The following PARVA variants were observed in gnomAD, a reference collection of about 807,000 sequenced individuals.
PARVA encodes alpha-parvin.
PARVA carries 25 observed loss-of-function variants against 52.6 expected under a neutral mutation model. The observed-to-expected ratio is 0.48, with a 90% CI of 0.35 to 0.66. The LOEUF is 0.66. Ranked by LOEUF, PARVA falls within the 30% of genes least tolerant of loss-of-function variation. The pLI, the probability that PARVA is intolerant of heterozygous loss-of-function variation, is 0.01. For missense variants in PARVA, 373 were observed against 450.9 expected (o/e 0.83, Z 1.56); for synonymous variants, 185 against 179.1 (o/e 1.03, Z -0.26).
chr11:12,487,088 TCA>T (rs1482824653), intron 4 of PARVA, among the ~76,000 whole-genome samples: 10 of 152,136 alleles, frequency 6.6e-5, no homozygotes, highest in African/African-American at 1.9e-4. Flanking sequence ...TAGAGGAGTG[TCA>T]GTTTGGATGG....
chr11:12,504,483 A>G, intron 6 of PARVA, 54 bp downstream of exon 6: 2 of 1,124,114 alleles, frequency 1.8e-6, no homozygotes, highest in Non-Finnish European at 2.7e-6. Flanking sequence ...GTGGAGGTCG[A>G]GTTCCTATGG....
intron 1 of PARVA, among the ~76,000 whole-genome samples, chr11:12,415,567 A>C (rs1310353264): frequency 6.6e-6 from 1 of 151,576 alleles, no homozygotes; most frequent in African/African-American, 2.4e-5. Flanking sequence ...GCCAGACTTT[A>C]CTCTCAAGGG....
chr11:12,391,114 G>A (rs909386371), intron 1 of PARVA, among the ~76,000 whole-genome samples: 1 of 152,172 alleles, frequency 6.6e-6, no homozygotes, highest in Non-Finnish European at 1.5e-5. Flanking sequence ...ACTATAGAGA[G>A]GCAGATTGAT....
intron 4 of PARVA, 156 bp downstream of exon 4, chr11:12,478,105 T>C (rs1941040196): frequency 1.4e-6 from 1 of 711,082 alleles, no homozygotes; most frequent in Admixed American, 2.0e-5. Context: ...GTGAAGGCTT[T>C]AGATGTCCTC....
intron 1 of PARVA, among the ~76,000 whole-genome samples, chr11:12,425,415 T>G (rs1417875994): frequency 6.6e-6 from 1 of 152,160 alleles, no homozygotes; most frequent in Admixed American, 6.5e-5. Flanking sequence ...CCAACATGAA[T>G]CTTACCAGGT....
chr11:12,495,022 G>T (rs1362925357), intron 4 of PARVA, among the ~76,000 whole-genome samples: 2 of 152,118 alleles, frequency 1.3e-5, no homozygotes, highest in African/African-American at 2.4e-5. Context: ...AAAATAATGG[G>T]AAAAAGTGAA....
rs777895682 is a variant in PARVA, at chr11:12,527,891, A to G, written c.1085A>G (p.Tyr362Cys). The change falls in exon 13 of 13, where the codon TAC (tyrosine) becomes TGC (cysteine). Residue 362 changes from tyrosine to cysteine, a missense_variant. Transcript: ENST00000334956. ...CTGAAATCTACACTACGAGTGTTGT[A>G]CAACCTCTTCACCAAGTACCGTAAC... ...CDLKSTLRVLYNLFTKYRNVE is the reference protein window; with the variant it reads ...CDLKSTLRVLCNLFTKYRNVE 1 of 1,613,384 alleles carries G rather than the reference A, an allele frequency of 6.2e-7. No individual in the cohort carries two copies. The highest frequency in any genetic ancestry group is 8.5e-7 in the Non-Finnish European group (1 of 1,179,718).
Position 12,518,490 on chromosome 11 carries a change from T to C in PARVA, c.1015T>C (p.Leu339=), listed in dbSNP as rs766724485. The C allele has an allele frequency of 8.1e-6, 13 of 1,613,476 alleles. No individual in the cohort carries two copies. Among genetic ancestry groups the C allele is most frequent in the African/African-American group, 1.3e-5 (1 of 74,860 alleles). ...FAFELMQDGG[L]EKPKPRPEDI... ...CTTTGAGCTCATGCAAGATGGAGGG[T>C]TGGAAAAGCCAAAACCGCGGCCAGA... Residue 339 remains leucine (L), a synonymous_variant, in exon 12 of 13, where the codon TTG becomes CTG. Transcript: ENST00000334956.
chr11:12,511,594 G>A lies in PARVA; in HGVS notation c.736+61G>A, dbSNP rs866771368. ...CTGCACTGGGGCTTTAGTTAATTCC[G>A]CAGCAGCTGGGAGGAACAGGCTCTC... On this transcript the variant is annotated intron_variant, in intron 8 of 12. Coordinates refer to ENST00000334956, the MANE Select transcript of PARVA (RefSeq NM_018222.5). The A allele has an allele frequency of 5.7e-5, 88 of 1,557,120 alleles. No individual in the cohort carries two copies. In the Middle Eastern group the frequency reaches 7.0e-4, roughly 12 times the overall value.
chr11:12,481,793 C>T (rs1941090090), intron 4 of PARVA, among the ~76,000 whole-genome samples: 2 of 152,036 alleles, frequency 1.3e-5, no homozygotes, highest in African/African-American at 4.8e-5. Context: ...AGTAAAGTAA[C>T]TATGAAACAC....
rs559355569 is a variant in PARVA at position 12,410,992 on chromosome 11, G to A, written c.136+33209G>A. On this transcript the variant is annotated intron_variant, in intron 1 of 12. Transcript: ENST00000334956. ...TGTAAAATGGGGGTGTGATACTGAC[G>A]ATCCCTAGTTCATGAGGCTGTTGTG... 5.3e-5 allele frequency among the ~76,000 whole-genome samples: 8 copies of A among 152,238 alleles called. No individual in the cohort carries two copies. In the East Asian group the frequency reaches 1.2e-3, roughly 22 times the overall value.
chr11:12,523,066 G>A (rs1941658122), intron 12 of PARVA, among the ~76,000 whole-genome samples: 1 of 151,980 alleles, frequency 6.6e-6, no homozygotes, highest in Non-Finnish European at 1.5e-5. Context: ...GTACATATAT[G>A]TTGCATGGGT....
At chr11:12,392,244 A>T (rs957863130) in intron 1 of PARVA, among the ~76,000 whole-genome samples, 1 of 151,200 alleles carries the variant, frequency 6.6e-6, no homozygotes, top group African/African-American at 2.4e-5. Flanking sequence ...TCTATGTTGT[A>T]GCATGTATCT....
intron 1 of PARVA, among the ~76,000 whole-genome samples, chr11:12,440,429 C>T (rs1940450155): frequency 6.6e-6 from 1 of 152,240 alleles, no homozygotes; most frequent in Non-Finnish European, 1.5e-5. Context: ...ATTTGGGTTC[C>T]TGTGCCCGTG....
chr11:12,513,634 CCT>C (rs1323013870), intron 9 of PARVA: 7 of 625,470 alleles, frequency 1.1e-5, no homozygotes, highest in African/African-American at 1.8e-5. Context: ...CACAGAATTC[CCT>C]GTCTCCCTGG....
At chr11:12,520,585 G>T (rs1423820608) in intron 12 of PARVA, among the ~76,000 whole-genome samples, 3 of 152,178 alleles carry the variant, frequency 2.0e-5, no homozygotes, top group African/African-American at 7.2e-5. Flanking sequence ...TTGCTGCCCA[G>T]GCTTCATGAC....
chr11:12,431,293 G>A (rs118156144), intron 1 of PARVA, among the ~76,000 whole-genome samples: 28 of 152,290 alleles, frequency 1.8e-4, no homozygotes, highest in Non-Finnish European at 2.5e-4. Context: ...TGGATGTTAC[G>A]CATTGTTACA....
intron 12 of PARVA, among the ~76,000 whole-genome samples, chr11:12,520,174 T>C (rs1308817251): frequency 6.6e-6 from 1 of 152,252 alleles, no homozygotes; most frequent in Admixed American, 6.5e-5. Context: ...AGTTGCTGAA[T>C]GTGAAACTAA....
chr11:12,384,946 C>T (rs1939550345), intron 1 of PARVA, among the ~76,000 whole-genome samples: 1 of 152,150 alleles, frequency 6.6e-6, no homozygotes, highest in Admixed American at 6.5e-5. Flanking sequence ...GGCGTGATCT[C>T]ACTTCTGTTT....
Sources: allele counts gnomAD v4.1 joint callset (sites outside exome capture counted in the v4.1 genomes callset), GRCh38; gene constraint gnomAD v4.1.1; transcripts MANE v1.5; gene names NCBI Gene and HGNC (gene_info 2026-07-23, HGNC 2026-07-21).